CLASP1: variants seen among roughly 807,000 people sequenced by gnomAD.
CLASP1 encodes cytoplasmic linker associated protein 1, also known as CLIP-associating protein 1.
Under a neutral mutation model 192.3 loss-of-function variants are expected in CLASP1, and 38 were observed. That is an observed-to-expected ratio of 0.20 (90% CI 0.15 to 0.26). The LOEUF is 0.26. Ranked by LOEUF, CLASP1 falls within the 10% of genes least tolerant of loss-of-function variation. The probability of loss-of-function intolerance (pLI) is 1.00; values close to 1 mark genes in which losing one functional copy is unlikely to be tolerated. For missense variants in CLASP1, 1,433 were observed against 1,932.5 expected (o/e 0.74, Z 4.85); for synonymous variants, 691 against 712.8 (o/e 0.97, Z 0.49).
At chr2:121,619,903 A>C (rs575163555) in intron 1 of CLASP1, among the ~76,000 whole-genome samples, 1 of 152,204 alleles carries the variant, frequency 6.6e-6, no homozygotes, top group African/African-American at 2.4e-5. Context: ...GGTTTGTTAT[A>C]ATCTCTTTAC....
intron 8 of CLASP1, among the ~76,000 whole-genome samples, chr2:121,498,590 T>A (rs980714410): frequency 1.3e-5 from 2 of 152,156 alleles, no homozygotes; most frequent in African/African-American, 4.8e-5. Context: ...ACAATTTATA[T>A]CTCAAGTGAC....
chr2:121,407,716 C>T lies in CLASP1; in HGVS notation c.2425-1G>A, dbSNP rs1483823667. Reference sequence around the variant, plus strand: ...CATATCTCCTCCTCACAGGCTTCTTCTGACAGGTCCAATGAGGGATGGGAG... The same window carrying T: ...CATATCTCCTCCTCACAGGCTTCTTTTGACAGGTCCAATGAGGGATGGGAG... On this transcript the variant is annotated splice_acceptor_variant, in intron 24 of 39. Coordinates refer to ENST00000263710, the Ensembl canonical transcript of CLASP1. LOFTEE classifies it high-confidence loss of function. 3.7e-6 allele frequency: 6 copies of T among 1,613,764 alleles called. No individual in the cohort carries two copies. Among genetic ancestry groups the T allele is most frequent in the South Asian group, 1.1e-5 (1 of 91,086 alleles).
At chr2:121,591,791 T>C (rs1315209548) in intron 2 of CLASP1, among the ~76,000 whole-genome samples, 1 of 152,216 alleles carries the variant, frequency 6.6e-6, no homozygotes, top group East Asian at 1.9e-4. Flanking sequence ...ACCAAGAGAT[T>C]CCTACCAGTC....
At chr2:121,638,670 A>T (rs200857524) in intron 1 of CLASP1, among the ~76,000 whole-genome samples, 32 of 129,602 alleles carry the variant, frequency 2.5e-4, no homozygotes, top group African/African-American at 7.7e-4. Flanking sequence ...GTTCTTTTTT[A>T]TTTTTTTTTT....
chr2:121,527,928 C>G, intron 4 of CLASP1, 38 bp from the exon 5 acceptor site: 1 of 1,522,448 alleles, frequency 6.6e-7, no homozygotes, highest in Non-Finnish European at 9.1e-7. Context: ...AAGGAGAAGA[C>G]TGCTGCAGCT....
intron 14 of CLASP1, among the ~76,000 whole-genome samples, chr2:121,454,835 C>A (rs968528385): frequency 6.6e-6 from 1 of 152,132 alleles, no homozygotes; most frequent in Non-Finnish European, 1.5e-5. Flanking sequence ...CTAACAATAG[C>A]GAAATGAAAA....
intron 19 of CLASP1, among the ~76,000 whole-genome samples, chr2:121,434,100 T>C (rs1306367289): frequency 1.3e-5 from 2 of 152,196 alleles, no homozygotes; most frequent in Non-Finnish European, 2.9e-5. Context: ...CAATGAACTT[T>C]TAACTACTGA....
rs1039096685 is a variant in CLASP1 at position 121,598,053 on chromosome 2, G to C, written c.195+7648C>G. Among the ~76,000 whole-genome samples, 4 of 152,300 alleles carry C rather than the reference G, an allele frequency of 2.6e-5. No homozygotes were observed. The East Asian group carries it at 7.7e-4, about 29-fold the overall frequency. Reference sequence around the variant, plus strand: ...AGTTTTAAGGCAGACAGGAAGAGGAGACCAGATCAATGAGGACAGCCATAT... The same window carrying C: ...AGTTTTAAGGCAGACAGGAAGAGGACACCAGATCAATGAGGACAGCCATAT... On this transcript the variant is annotated intron_variant, in intron 2 of 39. Coordinates refer to ENST00000263710, the Ensembl canonical transcript of CLASP1.
intron 6 of CLASP1, among the ~76,000 whole-genome samples, chr2:121,522,025 A>T (rs1269708879): frequency 1.3e-5 from 2 of 152,178 alleles, no homozygotes; most frequent in Non-Finnish European, 2.9e-5. Context: ...GCTACACAAG[A>T]ACCCCAGAAG....
At chr2:121,587,977 T>C (rs894788068) in intron 2 of CLASP1, among the ~76,000 whole-genome samples, 1 of 151,758 alleles carries the variant, frequency 6.6e-6, no homozygotes, top group Non-Finnish European at 1.5e-5. Flanking sequence ...GGTTCAAGAC[T>C]AGCCTGGTCA....
At chr2:121,348,813 G>A in intron 37 of CLASP1, 95 bp from the exon 39 acceptor site, 3 of 1,117,480 alleles carry the variant, frequency 2.7e-6, no homozygotes, top group Non-Finnish European at 3.7e-6. Context: ...AAAGGACAAT[G>A]ACCTCAATGT....
exon 35 of CLASP1, chr2:121,367,735 G>A: frequency 1.9e-6 from 3 of 1,614,000 alleles, no homozygotes; most frequent in Non-Finnish European, 2.5e-6. Flanking sequence ...GTGTTGAGTA[G>A]TGAGGTCTTG....
At chr2:121,597,790 A>T (rs1165997600) in intron 2 of CLASP1, among the ~76,000 whole-genome samples, 1 of 152,212 alleles carries the variant, frequency 6.6e-6, no homozygotes, top group Admixed American at 6.5e-5. Flanking sequence ...TGTGGTGTGG[A>T]TGTGAGGCTG....
chr2:121,490,534 G>C (rs1032018415), intron 8 of CLASP1, among the ~76,000 whole-genome samples: 1 of 152,194 alleles, frequency 6.6e-6, no homozygotes, highest in Admixed American at 6.5e-5. Context: ...ATTTAAGAGA[G>C]TCTTCTTTAA....
intron 8 of CLASP1, among the ~76,000 whole-genome samples, chr2:121,478,861 C>CAA (rs2092188112): frequency 5.0e-5 from 3 of 59,894 alleles, no homozygotes; most frequent in Admixed American, 4.9e-4. Flanking sequence ...CACACCACAC[C>CAA]ACACACACAC....
chr2:121,552,031 T>C (rs754796057), intron 2 of CLASP1, among the ~76,000 whole-genome samples: 1 of 151,908 alleles, frequency 6.6e-6, no homozygotes, highest in Admixed American at 6.6e-5. Context: ...AGCCCAGAAA[T>C]AGGCTGCACA....
chr2:121,532,402 A>G (rs1236212877), intron 2 of CLASP1: 1 of 152,220 alleles, frequency 6.6e-6, no homozygotes, highest in Non-Finnish European at 1.5e-5. Context: ...TGGAGGAGTA[A>G]CTATCCTGCG....
intron 37 of CLASP1, among the ~76,000 whole-genome samples, chr2:121,351,043 G>A (rs1215887772): frequency 2.0e-5 from 3 of 152,182 alleles, no homozygotes; most frequent in African/African-American, 7.2e-5. Context: ...GGCTCAGGGT[G>A]GAAGGTGGCA....
chr2:121,597,251 T>G (rs2063246541), intron 2 of CLASP1, among the ~76,000 whole-genome samples: 1 of 152,214 alleles, frequency 6.6e-6, no homozygotes, highest in Non-Finnish European at 1.5e-5. Context: ...AATGTCTACC[T>G]CATATGGTAA....
Sources: gnomAD v4.1 joint callset for allele counts (sites outside exome capture counted in the v4.1 genomes callset) on GRCh38, gnomAD v4.1.1 for gene constraint, MANE v1.5 for transcripts, NCBI Gene and HGNC (gene_info 2026-07-23, HGNC 2026-07-21) for gene names.